The following SNX8 variants were observed in gnomAD, a reference collection of about 807,000 sequenced individuals.
SNX8 encodes sorting nexin-8.
A neutral mutation model predicts 51.6 loss-of-function variants in SNX8; 25 were observed. The observed-to-expected ratio is 0.48, with a 90% CI of 0.35 to 0.68. The LOEUF (loss-of-function observed/expected upper bound fraction) is 0.68, where lower values mean the gene tolerates loss of function less well. SNX8 is among the 30% of genes least tolerant of loss of function. The pLI is 0.00. For missense variants in SNX8, 695 were observed against 624.0 expected, an observed-to-expected ratio of 1.11 and a Z score of -1.21; for synonymous variants, 324 against 277.0, an observed-to-expected ratio of 1.17 and a Z score of -1.68.
intron 7 of SNX8, among the ~76,000 whole-genome samples, chr7:2,261,967 A>G (rs1425729996): frequency 6.6e-6 from 1 of 152,214 alleles, no homozygotes; most frequent in Non-Finnish European, 1.5e-5. Context: ...TCAAACTAAT[A>G]TGAGTAGCCT....
intron 1 of SNX8, among the ~76,000 whole-genome samples, chr7:2,324,941 G>A (rs540287229): frequency 6.8e-6 from 1 of 147,982 alleles, no homozygotes; most frequent in Non-Finnish European, 1.5e-5. Flanking sequence ...GCGTAGCTGG[G>A]ACTGCAGGCA....
intron 1 of SNX8, among the ~76,000 whole-genome samples, chr7:2,341,516 G>T (rs1398773756): frequency 1.3e-5 from 2 of 151,490 alleles, no homozygotes; most frequent in African/African-American, 4.8e-5. Context: ...AAGCAAAAAT[G>T]AAGTTGAAGG....
intron 1 of SNX8, among the ~76,000 whole-genome samples, chr7:2,284,424 C>CA (rs1336177329): frequency 2.2e-5 from 2 of 89,936 alleles, no homozygotes; most frequent in East Asian, 6.8e-4. Flanking sequence ...TTTTTTGAGA[C>CA]AGAGTCTCAC....
intron 1 of SNX8, among the ~76,000 whole-genome samples, chr7:2,335,073 G>A (rs768065071): frequency 2.0e-5 from 3 of 151,744 alleles, no homozygotes; most frequent in Non-Finnish European, 4.4e-5. Flanking sequence ...GTGTGCGCCT[G>A]TAATCCCAGC....
chr7:2,336,139 C>T lies in SNX8; in HGVS notation c.-66+18083G>A, dbSNP rs567332209. 5.2e-3 allele frequency among the ~76,000 whole-genome samples: 781 copies of T among 149,988 alleles called. 6 individuals carry two copies. The highest frequency in any genetic ancestry group is 0.014 in the Middle Eastern group (4 of 284). On this transcript the variant is annotated intron_variant, in intron 1 of 5. Transcript: ENST00000435336. ...AAAAAGGGCTGGGCACGGTGGCTCA[C>T]ACCTGTGATCCCAGCACTTTGGGAG... is the stretch of plus-strand genomic sequence containing the variant.
At chr7:2,287,760 A>G (rs7802722) in intron 1 of SNX8, among the ~76,000 whole-genome samples, 336 of 151,844 alleles carry the variant, frequency 2.2e-3, no homozygotes, top group African/African-American at 7.5e-3. Context: ...CTCAAACAAA[A>G]ACAAAAATAA....
rs747755464 is a variant in SNX8, at chr7:2,255,143, C to A, written c.1311G>T (p.Arg437Ser). ...CCGCAAAGAGGCAGCTGAGCTTGGG[C>A]CTCAGGTCGTTCCACACCTTGCTCA... ...KEMSKVWNDL[R>S]PKLSCLFAGP... is the part of the protein sequence containing the mutation. Residue 437 changes from arginine to serine, a missense_variant, in exon 11 of 11, where the codon AGG becomes AGT. Coordinates refer to ENST00000222990, the MANE Select transcript of SNX8 (RefSeq NM_013321.4). 8.9e-6 allele frequency: 14 copies of A among 1,570,578 alleles called. No homozygotes were observed. Among genetic ancestry groups the A allele is most frequent in the Non-Finnish European group, 1.2e-5 (14 of 1,157,696 alleles).
intron 1 of SNX8, among the ~76,000 whole-genome samples, chr7:2,348,480 A>G (rs2115252184): frequency 6.6e-6 from 1 of 151,672 alleles, no homozygotes; most frequent in South Asian, 2.1e-4. Context: ...AGCTGGGACT[A>G]CAGGCGCCCG....
intron 1 of SNX8, among the ~76,000 whole-genome samples, chr7:2,343,056 G>A (rs1778962385): frequency 6.6e-6 from 1 of 151,624 alleles, no homozygotes; most frequent in Admixed American, 6.6e-5. Flanking sequence ...CGACCTCCCA[G>A]ACTGCTGGGA....
upstream of SNX8, chr7:2,354,357 A>AG (rs1779263251): frequency 6.6e-6 from 1 of 152,246 alleles, no homozygotes; most frequent in Non-Finnish European, 1.5e-5. Flanking sequence ...AGACACGGAC[A>AG]GGGGGGACTT....
intron 1 of SNX8, among the ~76,000 whole-genome samples, chr7:2,352,946 T>A (rs1318446507): frequency 3.3e-5 from 5 of 152,124 alleles, no homozygotes; most frequent in African/African-American, 1.2e-4. Flanking sequence ...TGAGGAGTAG[T>A]CAAACCTGGT....
intron 1 of SNX8, among the ~76,000 whole-genome samples, chr7:2,293,854 T>C (rs1438949989): frequency 6.6e-6 from 1 of 150,850 alleles, no homozygotes; most frequent in East Asian, 1.9e-4. Flanking sequence ...TCCCAACTAC[T>C]CAGGAGGCTG....
At chr7:2,314,196 G>T (rs1040141531) in intron 1 of SNX8, 132 bp downstream of exon 1, 3 of 984,010 alleles carry the variant, frequency 3.0e-6, no homozygotes, top group Admixed American at 4.5e-5. Context: ...GGACTGGGGC[G>T]TGGGGCCGAA....
At chr7:2,325,657 G>A (rs562422858) in intron 1 of SNX8, among the ~76,000 whole-genome samples, 18 of 151,958 alleles carry the variant, frequency 1.2e-4, no homozygotes, top group South Asian at 8.3e-4. Context: ...GCAAAACCCC[G>A]TCTCTACAAA....
intron 1 of SNX8, among the ~76,000 whole-genome samples, chr7:2,340,759 T>C (rs1353243593): frequency 7.0e-6 from 1 of 143,214 alleles, no homozygotes; most frequent in Non-Finnish European, 1.5e-5. Context: ...CAGGAGGCTG[T>C]AGCAGGAGAA....
chr7:2,283,418 G>A (rs1208387476), intron 1 of SNX8, among the ~76,000 whole-genome samples: 1 of 152,236 alleles, frequency 6.6e-6, no homozygotes, highest in Admixed American at 6.5e-5. Context: ...CGCCGCCCAG[G>A]CACTCCCTGG....
At chr7:2,348,526 A>G (rs111282797) in intron 1 of SNX8, among the ~76,000 whole-genome samples, 5,626 of 151,354 alleles carry the variant, frequency 0.037, 152 homozygotes, top group Non-Finnish European at 0.06. Context: ...TATTTTCAGT[A>G]GAGATGGGGT....
rs190532136 is a variant in SNX8, at chr7:2,351,748, T to A, written c.-66+2474A>T. On this transcript the variant is annotated intron_variant, in intron 1 of 5. Coordinates refer to the SNX8 transcript ENST00000435336. ...CGGGAGGCTGAGGCAGGAGAATTGC[T>A]TGAACCCGGGAGGTGGAGCTTGCAG... is the stretch of plus-strand genomic sequence containing the variant. 8.6e-3 allele frequency among the ~76,000 whole-genome samples: 1,264 copies of A among 147,814 alleles called. 12 individuals are homozygous for A. The highest frequency in any genetic ancestry group is 0.03 in the African/African-American group (1,196 of 40,002).
chr7:2,259,035 G>A (rs1795271763), intron 7 of SNX8, among the ~76,000 whole-genome samples: 1 of 152,172 alleles, frequency 6.6e-6, no homozygotes, highest in Admixed American at 6.5e-5. Flanking sequence ...CGCAGGCCAG[G>A]CACAGTGCAC....
Sources: allele counts gnomAD v4.1 joint callset (sites outside exome capture counted in the v4.1 genomes callset), GRCh38; gene constraint gnomAD v4.1.1; transcripts MANE v1.5; gene names NCBI Gene and HGNC (gene_info 2026-07-23, HGNC 2026-07-21).